Variants in ETV1 observed in about 807,000 individuals in gnomAD.
ETV1 encodes the protein ETS variant transcription factor 1.
Under a neutral mutation model 62.3 loss-of-function variants are expected in ETV1, and 27 were observed. The observed-to-expected ratio is 0.43, with a 90% confidence interval of 0.32 to 0.60. The LOEUF (loss-of-function observed/expected upper bound fraction) is 0.60, where lower values mean the gene tolerates loss of function less well. Among genes scored for constraint, ETV1 ranks in the 20% least tolerant of loss-of-function variants. ETV1 has a pLI of 0.06. For missense variants in ETV1, 605 were observed against 605.8 expected, an observed-to-expected ratio of 1.00 and a Z score of 0.01; for synonymous variants, 222 against 199.6, an observed-to-expected ratio of 1.11 and a Z score of -0.94.
At chr7:13,951,496 A>G (rs932535520) in intron 6 of ETV1, among the ~76,000 whole-genome samples, 1 of 152,176 alleles carries the variant, frequency 6.6e-6, no homozygotes, top group African/African-American at 2.4e-5. Flanking sequence ...CTACGTATAA[A>G]GTGTGTATTG....
At chr7:13,929,820 C>T (rs920083710) in intron 9 of ETV1, among the ~76,000 whole-genome samples, 1 of 152,126 alleles carries the variant, frequency 6.6e-6, no homozygotes, top group Non-Finnish European at 1.5e-5. Flanking sequence ...TCCCTTCGTC[C>T]TTTGAACCTA....
intron 6 of ETV1, among the ~76,000 whole-genome samples, chr7:13,943,440 G>A (rs1448604618): frequency 6.6e-5 from 10 of 152,160 alleles, no homozygotes; most frequent in Admixed American, 6.5e-4. Flanking sequence ...AGTATAATAA[G>A]CACTTTGGAA....
rs1043495568 is a variant in ETV1, at chr7:13,989,648, G to A, written c.-370C>T. 1 of 399,000 alleles carries A rather than the reference G, an allele frequency of 2.5e-6. No homozygotes were observed. Among genetic ancestry groups the A allele is most frequent in the East Asian group, 3.6e-5 (1 of 28,056 alleles). The allele number at this position is 399,000 out of a possible 1,614,324, so 24.7% of individuals were successfully genotyped here. On this transcript the variant is annotated 5_prime_UTR_variant, in exon 1 of 14. Transcript: ENST00000430479. ...AATTATAGCCCAGCACTTCCCCCTT[G>A]GAAGCCGAAAGCGCCTCTGACAGAG... is the stretch of plus-strand genomic sequence containing the variant.
chr7:13,915,422 T>A (rs1161090289), intron 9 of ETV1, among the ~76,000 whole-genome samples: 1 of 152,344 alleles, frequency 6.6e-6, no homozygotes, highest in East Asian at 1.9e-4. Flanking sequence ...CTGAGTTGTA[T>A]TAAGAATTAA....
intron 12 of ETV1, among the ~76,000 whole-genome samples, chr7:13,902,692 T>C (rs1782563497): frequency 6.6e-6 from 1 of 152,176 alleles, no homozygotes; most frequent in Non-Finnish European, 1.5e-5. Context: ...AACAATAATT[T>C]CTGAATCCTT....
At chr7:13,942,177 C>T (rs1293528858) in intron 6 of ETV1, among the ~76,000 whole-genome samples, 3 of 151,828 alleles carry the variant, frequency 2.0e-5, no homozygotes, top group African/African-American at 7.3e-5. Context: ...GCGCCCGCCA[C>T]CACGCCCGGC....
intron 6 of ETV1, chr7:13,975,067 T>C (rs1380319463): frequency 6.6e-6 from 1 of 152,244 alleles, no homozygotes; most frequent in East Asian, 1.9e-4. Context: ...CAGTAGCCAG[T>C]AGCCAGTATC....
chr7:13,924,276 T>C (rs1304620192), intron 9 of ETV1, among the ~76,000 whole-genome samples: 1 of 152,172 alleles, frequency 6.6e-6, no homozygotes, highest in South Asian at 2.1e-4. Flanking sequence ...ACTCAAACTC[T>C]ATGTTCATGC....
chr7:13,967,330 C>A (rs1237794037), intron 6 of ETV1, among the ~76,000 whole-genome samples: 4 of 152,044 alleles, frequency 2.6e-5, no homozygotes, highest in Non-Finnish European at 5.9e-5. Context: ...TAATGTCATA[C>A]CCACAGCAAA....
chr7:13,945,831 A>C (rs1451017176), intron 6 of ETV1, among the ~76,000 whole-genome samples: 1 of 152,186 alleles, frequency 6.6e-6, no homozygotes, highest in East Asian at 1.9e-4. Flanking sequence ...AATTTGCTTT[A>C]CCTTCCCACA....
chr7:13,926,839 G>C (rs1161164016), intron 9 of ETV1, among the ~76,000 whole-genome samples: 2 of 151,994 alleles, frequency 1.3e-5, no homozygotes, highest in Non-Finnish European at 2.9e-5. Context: ...ACTGTCTTCT[G>C]ATTGAAGTCT....
At chr7:13,912,205 G>A (rs1783634810) in intron 9 of ETV1, among the ~76,000 whole-genome samples, 1 of 152,192 alleles carries the variant, frequency 6.6e-6, no homozygotes, top group Non-Finnish European at 1.5e-5. Context: ...TTACATATAA[G>A]TGTGACTAAA....
At chr7:13,945,913 T>A (rs1788104592) in intron 6 of ETV1, among the ~76,000 whole-genome samples, 4 of 152,210 alleles carry the variant, frequency 2.6e-5, no homozygotes, top group Admixed American at 2.6e-4. Context: ...TCTGGAGTCA[T>A]GATCAACACT....
intron 9 of ETV1, among the ~76,000 whole-genome samples, chr7:13,928,936 C>A (rs891924792): frequency 6.6e-6 from 1 of 152,050 alleles, no homozygotes; most frequent in Admixed American, 6.6e-5. Flanking sequence ...CAAGCCTGGG[C>A]GACAGAGCGA....
intron 6 of ETV1, among the ~76,000 whole-genome samples, chr7:13,955,229 T>C (rs1470115383): frequency 1.3e-5 from 2 of 152,176 alleles, no homozygotes; most frequent in Non-Finnish European, 1.5e-5. Flanking sequence ...GGAGTTTCCA[T>C]GAGGAACTGC....
At chr7:13,977,505 A>AC (rs1781571339) in intron 5 of ETV1, 25 bp from the exon 6 acceptor site, 1 of 1,500,466 alleles carries the variant, frequency 6.7e-7, no homozygotes, top group African/African-American at 1.4e-5. Flanking sequence ...GAAAATTAAA[A>AC]AAAATTAAGA....
At chr7:13,971,422 C>T (rs991020919) in intron 6 of ETV1, among the ~76,000 whole-genome samples, 13 of 152,114 alleles carry the variant, frequency 8.5e-5, no homozygotes, top group African/African-American at 2.7e-4. Flanking sequence ...TTGTATGGTC[C>T]TCTAGTATTG....
chr7:13,934,467 C>G (rs1380398008), intron 8 of ETV1, among the ~76,000 whole-genome samples: 1 of 152,220 alleles, frequency 6.6e-6, no homozygotes, highest in Non-Finnish European at 1.5e-5. Context: ...CTGCTTTCCT[C>G]TGCTGATCTA....
chr7:13,988,804 A>C (rs775212425), intron 3 of ETV1: 1 of 1,605,094 alleles, frequency 6.2e-7, no homozygotes, highest in Non-Finnish European at 8.5e-7. Flanking sequence ...TCTTAAAAAC[A>C]AAACTATGCC....
Sources: gnomAD v4.1 joint callset for allele counts (sites outside exome capture counted in the v4.1 genomes callset) on GRCh38, gnomAD v4.1.1 for gene constraint, MANE v1.5 for transcripts, NCBI Gene and HGNC (gene_info 2026-07-23, HGNC 2026-07-21) for gene names.